Variants in METTL16 observed in about 807,000 individuals in gnomAD.
The protein encoded by METTL16 is RNA N(6)-adenosine-methyltransferase METTL16.
METTL16 carries 19 observed loss-of-function variants against 57.9 expected under a neutral mutation model. The ratio of observed to expected loss-of-function variants is 0.33; its 90% confidence interval spans 0.23 to 0.48. The LOEUF is 0.48. Ranked by LOEUF, METTL16 falls within the 20% of genes least tolerant of loss-of-function variation. The pLI is 0.99. For missense variants in METTL16, 434 were observed against 691.5 expected (o/e 0.63, Z 4.18); for synonymous variants, 246 against 255.6 (o/e 0.96, Z 0.36).
chr17:2,486,896 C>A (rs1358908147), intron 2 of METTL16, among the ~76,000 whole-genome samples: 1 of 144,804 alleles, frequency 6.9e-6, no homozygotes, highest in South Asian at 2.3e-4. Flanking sequence ...GGGAGTAGGG[C>A]GCGGTACTGA....
rs376842516 is a variant in METTL16, at chr17:2,420,258, C to T, written c.1401G>A (p.Arg467=). 227 of 1,614,150 alleles carry T rather than the reference C, an allele frequency of 1.4e-4. 1 individual carries two copies. The Middle Eastern group carries it at 2.1e-3, about 15-fold the overall frequency. ...EENPEPTEDE[R]SEEKGGVEVL... Reference sequence around the variant, plus strand: ...CCTCCACCCCTCCCTTTTCCTCACTCCTTTCATCCTCCGTGGGTTCCGGGT... The same window carrying T: ...CCTCCACCCCTCCCTTTTCCTCACTTCTTTCATCCTCCGTGGGTTCCGGGT... The change falls in exon 10 of 10, where the codon AGG becomes AGA. Residue 467 remains arginine (R), a synonymous_variant. Transcript: ENST00000263092. This position sits in a 1 kb window ranked among gnomAD's most constrained non-coding sequence, Gnocchi z 5.4.
At chr17:2,425,044 TG>T (rs955008894) in intron 8 of METTL16, among the ~76,000 whole-genome samples, 2 of 152,192 alleles carry the variant, frequency 1.3e-5, no homozygotes, top group Non-Finnish European at 2.9e-5. Flanking sequence ...TCACAGCAGT[TG>T]TTCAGTCCCC....
chr17:2,486,701 G>A (rs951467600), intron 2 of METTL16, among the ~76,000 whole-genome samples: 32 of 152,116 alleles, frequency 2.1e-4, no homozygotes, highest in Non-Finnish European at 3.7e-4. Context: ...GGCTGGGTGT[G>A]GTGGCTCACA....
At chr17:2,444,068 G>T (rs1042307523) in intron 6 of METTL16, among the ~76,000 whole-genome samples, 1 of 152,172 alleles carries the variant, frequency 6.6e-6, no homozygotes, top group African/African-American at 2.4e-5. Flanking sequence ...ATGTTAGTTA[G>T]TTTGATTGAA....
At chr17:2,451,170 C>A (rs1034332651) in intron 6 of METTL16, among the ~76,000 whole-genome samples, 1 of 152,106 alleles carries the variant, frequency 6.6e-6, no homozygotes, top group Non-Finnish European at 1.5e-5. Flanking sequence ...GTGACCACAT[C>A]TATTTTTGTT....
At chr17:2,423,492 T>C (rs918550395) in intron 8 of METTL16, among the ~76,000 whole-genome samples, 4 of 152,110 alleles carry the variant, frequency 2.6e-5, no homozygotes, top group African/African-American at 4.8e-5. Flanking sequence ...CGCTTTGCAG[T>C]AAGGAGCTTA....
intron 1 of METTL16, among the ~76,000 whole-genome samples, chr17:2,505,526 G>C (rs1341072786): frequency 2.1e-5 from 3 of 146,000 alleles, no homozygotes; most frequent in Non-Finnish European, 4.5e-5. Flanking sequence ...TAGGATTATA[G>C]TTGTAAGCCA....
intron 6 of METTL16, among the ~76,000 whole-genome samples, chr17:2,447,594 C>G (rs1303352333): frequency 1.9e-5 from 2 of 106,578 alleles, no homozygotes; most frequent in Non-Finnish European, 1.9e-5. Context: ...GTCAGCCCCC[C>G]GCCCGGCCAG....
At chr17:2,443,239 G>A (rs933120084) in intron 6 of METTL16, among the ~76,000 whole-genome samples, 3 of 152,140 alleles carry the variant, frequency 2.0e-5, no homozygotes, top group Admixed American at 2.0e-4. Context: ...CTCTCTAAGT[G>A]CTGGAATTAC....
chr17:2,452,600 G>T (rs560971784), intron 6 of METTL16, among the ~76,000 whole-genome samples: 73 of 152,218 alleles, frequency 4.8e-4, no homozygotes, highest in African/African-American at 1.7e-3. Context: ...CAACATTTAG[G>T]AATTCCTCTG....
At chr17:2,438,247 A>G (rs1215082397) in intron 7 of METTL16, 49 bp from the exon 8 acceptor site, 1 of 1,365,614 alleles carries the variant, frequency 7.3e-7, no homozygotes, top group East Asian at 2.3e-5. Flanking sequence ...CATTCTACCA[A>G]TATGTTTCTG....
chr17:2,458,252 C>T (rs1356026282), intron 6 of METTL16, among the ~76,000 whole-genome samples: 1 of 152,192 alleles, frequency 6.6e-6, no homozygotes, highest in Non-Finnish European at 1.5e-5. Flanking sequence ...CAGTATCCAT[C>T]ATCTGGCAGG....
chr17:2,434,733 C>T (rs1018448917), intron 8 of METTL16, among the ~76,000 whole-genome samples: 7 of 152,148 alleles, frequency 4.6e-5, no homozygotes, highest in Non-Finnish European at 8.8e-5. Flanking sequence ...CTCCAACATG[C>T]ACAAAGTTGC....
intron 8 of METTL16, 111 bp downstream of exon 8, chr17:2,437,998 A>C (rs1388671809): frequency 1.2e-6 from 1 of 808,194 alleles, no homozygotes; most frequent in African/African-American, 1.7e-5. Flanking sequence ...TGACATAAGC[A>C]TTTGGGACAA....
At position 2,502,269 on chromosome 17, in the gene METTL16, T is replaced by G; in HGVS notation, c.63A>C (p.Ala21=). The G allele has an allele frequency of 1.2e-6, 2 of 1,614,040 alleles. No individual in the cohort carries two copies. The highest frequency in any genetic ancestry group is 1.7e-6 in the Non-Finnish European group (2 of 1,179,952). Residue 21 remains alanine, a synonymous_variant, in exon 2 of 10, where the codon GCA becomes GCC. Transcript: ENST00000263092. The part of the protein sequence containing the change: ...NRYKDKPPDF[A]YLASKYPDFK... ...AATCTGGATATTTGGATGCCAGATA[T>G]GCAAAGTCAGGAGGTTTGTCCTTGT...
intron 6 of METTL16, among the ~76,000 whole-genome samples, chr17:2,452,005 T>C (rs117646255): frequency 1.3e-5 from 2 of 151,932 alleles, no homozygotes; most frequent in Non-Finnish European, 2.9e-5. Flanking sequence ...GGCATGGTGA[T>C]GCATGCCTGT....
intron 8 of METTL16, among the ~76,000 whole-genome samples, chr17:2,426,993 A>C (rs2066824691): frequency 6.6e-6 from 1 of 151,328 alleles, no homozygotes. Flanking sequence ...AAAAAAAAAA[A>C]AGAGCCGGGC....
chr17:2,447,305 G>GGCCA (rs2067007458), intron 6 of METTL16, among the ~76,000 whole-genome samples: 1 of 143,832 alleles, frequency 7.0e-6, no homozygotes, highest in African/African-American at 2.8e-5. Flanking sequence ...GTCTCTGCCC[G>GGCCA]GCCGCCCCGT....
intron 6 of METTL16, among the ~76,000 whole-genome samples, chr17:2,448,748 A>T (rs1472095542): frequency 3.3e-5 from 4 of 120,630 alleles, no homozygotes; most frequent in East Asian, 3.9e-4. Flanking sequence ...AATAAAAAAA[A>T]AAATAAAATA....
Sources: gnomAD v4.1 joint callset for allele counts (sites outside exome capture counted in the v4.1 genomes callset) on GRCh38, gnomAD v4.1.1 for gene constraint, Gnocchi (gnomAD v3.1) non-coding constraint, MANE v1.5 for transcripts, NCBI Gene and HGNC (gene_info 2026-07-23, HGNC 2026-07-21) for gene names.